Variants in ADARB1 observed in about 807,000 individuals in gnomAD.
ADARB1 encodes double-stranded RNA-specific editase 1.
ADARB1 carries 10 observed loss-of-function variants against 52.4 expected under a neutral mutation model. The ratio of observed to expected loss-of-function variants is 0.19; its 90% CI spans 0.12 to 0.32. ADARB1 has a LOEUF of 0.32. ADARB1 is among the 10% of genes least tolerant of loss of function. The pLI, the probability that ADARB1 is intolerant of heterozygous loss-of-function variation, is 1.00. For missense variants in ADARB1, 643 were observed against 922.3 expected (o/e 0.70, Z 3.92); for synonymous variants, 349 against 371.1 (o/e 0.94, Z 0.68).
chr21:45,155,566 C>G (rs1217352890), intron 2 of ADARB1, among the ~76,000 whole-genome samples: 1 of 151,972 alleles, frequency 6.6e-6, no homozygotes, highest in Non-Finnish European at 1.5e-5. Context: ...CACTCATTTA[C>G]CCATCTACCC....
At chr21:45,113,699 G>A (rs895190388) in intron 1 of ADARB1, among the ~76,000 whole-genome samples, 20 of 152,020 alleles carry the variant, frequency 1.3e-4, no homozygotes, top group African/African-American at 4.8e-4. Context: ...GAGCAGCCCT[G>A]CCCAGAGGAG....
At chr21:45,210,540 T>C (rs1038402363) in intron 9 of ADARB1, among the ~76,000 whole-genome samples, 3 of 152,202 alleles carry the variant, frequency 2.0e-5, no homozygotes, top group Admixed American at 1.3e-4. Context: ...CCTCAGGCCA[T>C]CTCCCGGGCA....
intron 1 of ADARB1, among the ~76,000 whole-genome samples, chr21:45,094,272 G>GAT (rs1296301200): frequency 1.3e-5 from 2 of 152,172 alleles, no homozygotes; most frequent in Non-Finnish European, 2.9e-5. Context: ...ATCCCTCACT[G>GAT]ATAACCTCTG....
intron 2 of ADARB1, chr21:45,145,798 C>T (rs1005865885): frequency 1.3e-5 from 2 of 152,234 alleles, no homozygotes; most frequent in Non-Finnish European, 2.9e-5. Context: ...ACAATGTTAA[C>T]TGTCATCCCA....
intron 9 of ADARB1, among the ~76,000 whole-genome samples, chr21:45,210,137 T>C (rs1476419827): frequency 2.0e-5 from 3 of 152,226 alleles, no homozygotes; most frequent in Non-Finnish European, 4.4e-5. Context: ...GTCATCTCTG[T>C]TGGGTTTTCA....
rs914382060 is a variant in ADARB1 at position 45,128,519 on chromosome 21, A to G, written c.-102A>G. 6.6e-6 allele frequency: 1 copy of G among 152,238 alleles called. No homozygotes were observed. Among genetic ancestry groups the G allele is most frequent in the African/African-American group, 2.4e-5 (1 of 41,464 alleles). The allele number at this position is 152,238 out of a possible 1,614,324, so 9.4% of individuals were successfully genotyped here. ...TGAGATACTCTCTCAGTCCGCTCGC[A>G]CCGAAGGAAGCTGCCTTGGGATCAG... On this transcript the variant is annotated 5_prime_UTR_variant, in exon 2 of 11. Transcript: ENST00000348831. This position sits in a 1 kb window ranked among gnomAD's most constrained non-coding sequence, Gnocchi z 4.6.
intron 1 of ADARB1, among the ~76,000 whole-genome samples, chr21:45,125,666 C>T (rs1385595229): frequency 1.3e-5 from 2 of 152,254 alleles, no homozygotes; most frequent in Non-Finnish European, 2.9e-5. Context: ...ATCAGGCCTT[C>T]CTGCCCTCCA....
intron 2 of ADARB1, among the ~76,000 whole-genome samples, chr21:45,144,275 T>C (rs2089899678): frequency 6.6e-6 from 1 of 152,214 alleles, no homozygotes; most frequent in African/African-American, 2.4e-5. Context: ...TTTTCCTAAA[T>C]TAATATTCTG....
intron 1 of ADARB1, among the ~76,000 whole-genome samples, chr21:45,113,759 C>T (rs754272217): frequency 1.4e-4 from 21 of 151,990 alleles, no homozygotes; most frequent in Admixed American, 3.9e-4. Flanking sequence ...TTTCGGGAGC[C>T]CTTACAATGA....
At chr21:45,163,570 G>A (rs947809708) in intron 2 of ADARB1, among the ~76,000 whole-genome samples, 1 of 151,660 alleles carries the variant, frequency 6.6e-6, no homozygotes, top group Non-Finnish European at 1.5e-5. Context: ...GCTGACTCTG[G>A]GCCCTCAAGG....
chr21:45,115,094 C>G (rs539178574), intron 1 of ADARB1, among the ~76,000 whole-genome samples: 1 of 8,640 alleles, frequency 1.2e-4, no homozygotes, highest in Non-Finnish European at 2.0e-4. Flanking sequence ...TGTTAAGGGC[C>G]CAGGGAAGAT....
At position 45,142,771 on chromosome 21, in the gene ADARB1, C is replaced by T. The variant is rs145865019; in HGVS notation, c.-48+14198C>T. 1.4e-3 allele frequency among the ~76,000 whole-genome samples: 211 copies of T among 152,264 alleles called. No individual in the cohort carries two copies. Among genetic ancestry groups the T allele is most frequent in the African/African-American group, 4.5e-3 (189 of 41,548 alleles). On this transcript the variant is annotated intron_variant, in intron 2 of 10. Transcript: ENST00000348831. This position sits in a 1 kb window ranked among gnomAD's most constrained non-coding sequence, Gnocchi z 4.0. ...CCCCCCATGAACTCAGGGGTGTGGC[C>T]TGGCTCCGTCATGTGTTTTGCAGGG...
At chr21:45,145,158 C>G (rs1407110108) in intron 2 of ADARB1, 1 of 152,230 alleles carries the variant, frequency 6.6e-6, no homozygotes, top group Non-Finnish European at 1.5e-5. Context: ...TCCCTTGTGC[C>G]CATAGAATTG....
chr21:45,108,401 C>T (rs960447216), intron 1 of ADARB1, among the ~76,000 whole-genome samples: 4 of 152,192 alleles, frequency 2.6e-5, no homozygotes, highest in African/African-American at 9.7e-5. Context: ...GGTGAAGAGG[C>T]AGTTGCCTTT....
chr21:45,159,420 G>T (rs1003553726), intron 2 of ADARB1, among the ~76,000 whole-genome samples: 1 of 152,164 alleles, frequency 6.6e-6, no homozygotes, highest in African/African-American at 2.4e-5. Flanking sequence ...ACGAGATTTG[G>T]GTGGGGACAC....
chr21:45,222,078 C>T lies in ADARB1; in HGVS notation c.1987C>T (p.Leu663=), dbSNP rs201552994. Residue 663 remains leucine, a synonymous_variant, in exon 11 of 11, where the codon CTG becomes TTG. Transcript: ENST00000348831. The part of the protein sequence containing the change: ...TKPNVYHESK[L]AAKEYQAAKA... ...GCCCAACGTGTACCATGAGTCCAAG[C>T]TGGCGGCAAAGGAGTACCAGGCCGC... 1.2e-6 allele frequency: 2 copies of T among 1,613,574 alleles called. No homozygotes were observed. Among genetic ancestry groups the T allele is most frequent in the Admixed American group, 1.7e-5 (1 of 60,004 alleles).
chr21:45,143,769 ACT>A (rs2089862137), intron 2 of ADARB1, among the ~76,000 whole-genome samples: 1 of 151,526 alleles, frequency 6.6e-6, no homozygotes, highest in African/African-American at 2.4e-5. Flanking sequence ...AGAAGAGAAC[ACT>A]CTTCCCAGCT....
chr21:45,136,216 C>G (rs899342865), intron 2 of ADARB1, among the ~76,000 whole-genome samples: 11 of 152,280 alleles, frequency 7.2e-5, no homozygotes, highest in Non-Finnish European at 1.5e-4. Context: ...CTGGTTCTGG[C>G]CTCCTGTCAG....
intron 8 of ADARB1, among the ~76,000 whole-genome samples, chr21:45,193,495 GC>G (rs35202210): frequency 0.51 from 77,187 of 151,934 alleles, 19,953 homozygotes; most frequent in South Asian, 0.57. Flanking sequence ...AAGATTGTCT[GC>G]TCTCCCCACT....
Sources: gnomAD v4.1 joint callset for allele counts (sites outside exome capture counted in the v4.1 genomes callset) on GRCh38, gnomAD v4.1.1 for gene constraint, Gnocchi (gnomAD v3.1) non-coding constraint, MANE v1.5 for transcripts, NCBI Gene and HGNC (gene_info 2026-07-23, HGNC 2026-07-21) for gene names.